The following SGPP1 variants were observed in gnomAD, a reference collection of about 807,000 sequenced individuals.
The protein encoded by SGPP1 is hSPP1.
A neutral mutation model predicts 33.0 loss-of-function variants in SGPP1; 21 were observed. That is an observed-to-expected ratio of 0.64 (90% CI 0.45 to 0.92). The LOEUF (loss-of-function observed/expected upper bound fraction) is 0.92. SGPP1 is among the 40% of genes least tolerant of loss of function. SGPP1 has a pLI of 0.00. For synonymous variants in SGPP1, 239 were observed against 241.2 expected (o/e 0.99, Z 0.08); for missense variants, 543 against 589.4 (o/e 0.92, Z 0.81).
chr14:63,725,321 C>T (rs919830878), intron 1 of SGPP1, among the ~76,000 whole-genome samples: 5 of 152,182 alleles, frequency 3.3e-5, no homozygotes, highest in Non-Finnish European at 7.3e-5. Context: ...TTGCAGTGAG[C>T]CGAGACTGCA....
At chr14:63,717,713 G>A (rs1051024521) in intron 1 of SGPP1, among the ~76,000 whole-genome samples, 1 of 151,974 alleles carries the variant, frequency 6.6e-6, no homozygotes, top group African/African-American at 2.4e-5. Context: ...CAAATATAAC[G>A]AAAACTACAA....
chr14:63,721,946 A>G (rs1450686774), intron 1 of SGPP1, among the ~76,000 whole-genome samples: 1 of 152,258 alleles, frequency 6.6e-6, no homozygotes, highest in Non-Finnish European at 1.5e-5. Flanking sequence ...TATTTTAAGA[A>G]TACAATCATA....
intron 2 of SGPP1, among the ~76,000 whole-genome samples, chr14:63,689,012 C>T (rs541498086): frequency 6.6e-6 from 1 of 152,300 alleles, no homozygotes; most frequent in South Asian, 2.1e-4. Flanking sequence ...TGAGCCACTG[C>T]ATCTGGCCAG....
intron 2 of SGPP1, among the ~76,000 whole-genome samples, chr14:63,687,691 G>C (rs956656607): frequency 4.6e-5 from 7 of 152,172 alleles, no homozygotes; most frequent in Non-Finnish European, 8.8e-5. Context: ...CTAGGTAAGA[G>C]AGTAGATTTT....
At chr14:63,715,217 G>A (rs962248072) in intron 1 of SGPP1, among the ~76,000 whole-genome samples, 28 of 151,032 alleles carry the variant, frequency 1.9e-4, no homozygotes, top group Admixed American at 1.8e-3. Flanking sequence ...GTTTCACCAC[G>A]TTGGCCAGGC....
At chr14:63,716,275 T>A (rs1595071053) in intron 1 of SGPP1, among the ~76,000 whole-genome samples, 1 of 152,002 alleles carries the variant, frequency 6.6e-6, no homozygotes, top group Non-Finnish European at 1.5e-5. Context: ...GAGAGGATAG[T>A]ATGAGCCCAG....
rs1422168063 is a variant in SGPP1, at chr14:63,685,033, A to G, written c.*1072T>C. ...AAATTTCAACGTTTCCATTCACTGGAAATACCTACCTGCAGTATAAACAAT... is the reference window on the plus strand; with the variant it reads ...AAATTTCAACGTTTCCATTCACTGGGAATACCTACCTGCAGTATAAACAAT... On this transcript the variant is annotated 3_prime_UTR_variant, in exon 3 of 3. Coordinates refer to ENST00000247225, the MANE Select transcript of SGPP1 (RefSeq NM_030791.4). 6.6e-6 allele frequency: 1 copy of G among 152,004 alleles called. No homozygotes were observed. The highest frequency in any genetic ancestry group is 1.5e-5 in the Non-Finnish European group (1 of 67,896). The allele number at this position is 152,004 out of a possible 1,614,324, so 9.4% of individuals were successfully genotyped here. A position where few individuals can be genotyped will look rare whatever the true frequency, so the allele number is the denominator to read the frequency against.
chr14:63,688,315 C>CAAAAAAAAAAAAAAAAA (rs71120275), intron 2 of SGPP1, among the ~76,000 whole-genome samples: 14 of 31,432 alleles, frequency 4.5e-4, no homozygotes, highest in African/African-American at 1.4e-3. Context: ...GACTCTGTCT[C>CAAAAAAAAAAAAAAAAA]AAAAAAAAAA....
At chr14:63,718,321 T>G (rs1885675500) in intron 1 of SGPP1, among the ~76,000 whole-genome samples, 1 of 152,086 alleles carries the variant, frequency 6.6e-6, no homozygotes, top group Non-Finnish European at 1.5e-5. Flanking sequence ...GTATCTTTAT[T>G]TTTGGATTCT....
intron 1 of SGPP1, among the ~76,000 whole-genome samples, chr14:63,713,210 G>A (rs868285197): frequency 6.6e-5 from 10 of 152,104 alleles, no homozygotes; most frequent in African/African-American, 1.7e-4. Flanking sequence ...TCTCCATGCC[G>A]TTGCCACTTT....
intron 1 of SGPP1, among the ~76,000 whole-genome samples, chr14:63,712,817 T>C (rs1283737676): frequency 1.4e-5 from 2 of 144,704 alleles, no homozygotes; most frequent in Non-Finnish European, 3.0e-5. Flanking sequence ...CTTGGGAGGC[T>C]GAGGCAGGAG....
rs1350628982 is a variant in SGPP1 at position 63,684,729 on chromosome 14, A to G, written c.*1376T>C. ...TCTTTATGAAAAACTTTCTACAAAT[A>G]CACTTACTATTAACGTAAGTACAAC... On this transcript the variant is annotated 3_prime_UTR_variant, in exon 3 of 3. Coordinates refer to ENST00000247225, the MANE Select transcript of SGPP1 (RefSeq NM_030791.4). 6.6e-6 allele frequency: 1 copy of G among 152,500 alleles called. No individual in the cohort carries two copies. The highest frequency in any genetic ancestry group is 6.6e-5 in the Admixed American group (1 of 15,262). 9.4% of individuals were successfully genotyped at this position (152,500 alleles called of 1,614,324 possible). A position where few individuals can be genotyped will look rare whatever the true frequency, so the allele number is the denominator to read the frequency against.
intron 2 of SGPP1, among the ~76,000 whole-genome samples, chr14:63,688,455 GACTTGATAGAAGATGGTTT>G (rs1335738829): frequency 6.6e-6 from 1 of 151,848 alleles, no homozygotes; most frequent in Non-Finnish European, 1.5e-5. Flanking sequence ...CAATTGTGTA[GACTTGATAGAAGATGGTTT>G]ACTTGAGGAA....
chr14:63,710,528 C>T (rs1885502175), intron 1 of SGPP1, among the ~76,000 whole-genome samples: 1 of 152,148 alleles, frequency 6.6e-6, no homozygotes, highest in Non-Finnish European at 1.5e-5. Context: ...GGATAGACAG[C>T]GTCTCACAGA....
chr14:63,698,187 A>G (rs1243629049), intron 2 of SGPP1, among the ~76,000 whole-genome samples: 1 of 152,240 alleles, frequency 6.6e-6, no homozygotes, highest in Non-Finnish European at 1.5e-5. Flanking sequence ...AAGTTCACAT[A>G]GTTTCTAGTC....
At chr14:63,703,048 C>A (rs1885333161) in intron 1 of SGPP1, among the ~76,000 whole-genome samples, 1 of 151,928 alleles carries the variant, frequency 6.6e-6, no homozygotes, top group Admixed American at 6.6e-5. Flanking sequence ...TGCTGATGAG[C>A]GGGGCTACTA....
At chr14:63,702,086 A>G (rs915424668) in intron 1 of SGPP1, among the ~76,000 whole-genome samples, 3 of 152,186 alleles carry the variant, frequency 2.0e-5, no homozygotes, top group African/African-American at 7.2e-5. Flanking sequence ...AAAATCACCT[A>G]TAGAGTCTCA....
chr14:63,689,595 G>A (rs1261775154), intron 2 of SGPP1, among the ~76,000 whole-genome samples: 1 of 151,930 alleles, frequency 6.6e-6, no homozygotes, highest in Non-Finnish European at 1.5e-5. Context: ...TCAGGAGTTC[G>A]AGACCGGCCT....
chr14:63,701,152 A>T (rs1166663726), intron 1 of SGPP1, among the ~76,000 whole-genome samples: 1 of 151,846 alleles, frequency 6.6e-6, no homozygotes, highest in Non-Finnish European at 1.5e-5. Flanking sequence ...CTGATTTTTT[A>T]AAAAATATTT....
Sources: allele counts gnomAD v4.1 joint callset (sites outside exome capture counted in the v4.1 genomes callset), GRCh38; gene constraint gnomAD v4.1.1; transcripts MANE v1.5; gene names NCBI Gene and HGNC (gene_info 2026-07-23, HGNC 2026-07-21).